The following ZMYND11 variants were observed in gnomAD, a reference collection of about 807,000 sequenced individuals.
ZMYND11 encodes the protein zinc finger MYND domain-containing protein 11.
A neutral mutation model predicts 84.9 loss-of-function variants in ZMYND11; 9 were observed. The observed-to-expected ratio is 0.11, with a 90% CI of 0.06 to 0.18. The LOEUF (loss-of-function observed/expected upper bound fraction) is 0.18. Among genes scored for constraint, ZMYND11 ranks in the 10% least tolerant of loss-of-function variants. The probability of loss-of-function intolerance (pLI) is 1.00; values close to 1 mark genes in which losing one functional copy is unlikely to be tolerated. For missense variants in ZMYND11, 409 were observed against 761.0 expected, an observed-to-expected ratio of 0.54 and a Z score of 5.44; for synonymous variants, 250 against 244.1, an observed-to-expected ratio of 1.02 and a Z score of -0.23.
intron 1 of ZMYND11, among the ~76,000 whole-genome samples, chr10:157,504 A>T (rs112779881): frequency 1.3e-5 from 2 of 152,276 alleles, no homozygotes; most frequent in Non-Finnish European, 2.9e-5. Context: ...CTGGCATAAT[A>T]GCTATTTTTA....
rs1237071861 is a variant in ZMYND11, at chr10:252,485, G to A, written c.*15G>A. 8.7e-6 allele frequency: 14 copies of A among 1,605,880 alleles called. No individual in the cohort carries two copies. Among genetic ancestry groups the A allele is most frequent in the Middle Eastern group, 1.7e-4 (1 of 5,978 alleles). ...GGAAAAGATGAAGCTGGCCCTTCCCGGAGTCACCCCGATGATTACTCTTTT... is the reference window on the plus strand; with the variant it reads ...GGAAAAGATGAAGCTGGCCCTTCCCAGAGTCACCCCGATGATTACTCTTTT... On this transcript the variant is annotated 3_prime_UTR_variant, in exon 15 of 15. Coordinates refer to ENST00000381604, the MANE Select transcript of ZMYND11 (RefSeq NM_001370100.5). This position sits in a 1 kb window ranked among gnomAD's most constrained non-coding sequence, Gnocchi z 4.6.
chr10:139,402 C>T (rs1836925793), intron 1 of ZMYND11, among the ~76,000 whole-genome samples: 2 of 152,144 alleles, frequency 1.3e-5, no homozygotes, highest in Middle Eastern at 3.2e-3. Flanking sequence ...GAGTTTATTT[C>T]TACCAATATC....
At chr10:193,517 G>T (rs1940980445) in intron 2 of ZMYND11, among the ~76,000 whole-genome samples, 1 of 152,186 alleles carries the variant, frequency 6.6e-6, no homozygotes, top group Admixed American at 6.5e-5. Flanking sequence ...TGAGTGCTAG[G>T]TGAATGTAGG....
chr10:225,373 C>T (rs973773898), intron 4 of ZMYND11, among the ~76,000 whole-genome samples: 1 of 130,718 alleles, frequency 7.7e-6, no homozygotes, highest in Non-Finnish European at 1.7e-5. Context: ...TGTTTTTAGG[C>T]AGGATCTTGT....
intron 4 of ZMYND11, among the ~76,000 whole-genome samples, chr10:227,715 G>A (rs1041309354): frequency 6.6e-6 from 1 of 152,130 alleles, no homozygotes; most frequent in South Asian, 2.1e-4. Context: ...AATGCTGAAT[G>A]AAAATACTTT....
intron 1 of ZMYND11, among the ~76,000 whole-genome samples, chr10:147,085 T>A (rs1474914000): frequency 6.6e-6 from 1 of 152,250 alleles, no homozygotes; most frequent in Non-Finnish European, 1.5e-5. Flanking sequence ...ACTACCAATT[T>A]GTGTACATTG....
chr10:181,901 AT>A (rs113715025), intron 2 of ZMYND11, among the ~76,000 whole-genome samples: 2 of 152,218 alleles, frequency 1.3e-5, no homozygotes, highest in South Asian at 2.1e-4. Context: ...GATGTAAAAC[AT>A]TTTAAAAAAA....
upstream of ZMYND11, among the ~76,000 whole-genome samples, chr10:131,259 T>A (rs1280660764): frequency 6.6e-6 from 1 of 152,188 alleles, no homozygotes; most frequent in African/African-American, 2.4e-5. Context: ...TACTTTTCCT[T>A]AAATGTTTTG....
chr10:236,626 A>G (rs1186773071), intron 4 of ZMYND11, among the ~76,000 whole-genome samples: 1 of 152,220 alleles, frequency 6.6e-6, no homozygotes. Context: ...TATATCAGGT[A>G]CAACATAATA....
At chr10:134,039 G>C (rs1835410944), upstream of ZMYND11, among the ~76,000 whole-genome samples, 2 of 152,032 alleles carry the variant, frequency 1.3e-5, no homozygotes, top group East Asian at 3.9e-4. Context: ...TCTTCCTAAT[G>C]ACTTTTCAGG....
intron 2 of ZMYND11, among the ~76,000 whole-genome samples, chr10:198,824 T>A (rs1356859159): frequency 6.6e-6 from 1 of 152,234 alleles, no homozygotes; most frequent in East Asian, 1.9e-4. Context: ...AAATATAGAT[T>A]AGAGAGATGC....
At chr10:202,477 A>C (rs1021723099) in intron 2 of ZMYND11, among the ~76,000 whole-genome samples, 1 of 152,160 alleles carries the variant, frequency 6.6e-6, no homozygotes, top group Non-Finnish European at 1.5e-5. Context: ...TGACACTTCT[A>C]ATATATACTA....
intron 2 of ZMYND11, among the ~76,000 whole-genome samples, chr10:203,326 C>G (rs1005444334): frequency 6.6e-6 from 1 of 151,372 alleles, no homozygotes; most frequent in Non-Finnish European, 1.5e-5. Flanking sequence ...CCAGGAAATA[C>G]TATATAAAAT....
In ZMYND11 at chr10:144,110, A is replaced by C. The variant is rs553573149; in HGVS notation, c.-20+8551A>C. Among the ~76,000 whole-genome samples, 277 of 152,298 alleles carry C rather than the reference A, an allele frequency of 1.8e-3. 3 individuals are homozygous for C. The highest frequency in any genetic ancestry group is 6.5e-3 in the African/African-American group (271 of 41,560). ...TTTTAGTCTTAGTTATTTTCAAATG[A>C]ATTAAAAGCTGAACAGCCAGCAGTA... On this transcript the variant is annotated intron_variant, in intron 1 of 14. Transcript: ENST00000381604.
intron 2 of ZMYND11, among the ~76,000 whole-genome samples, chr10:180,840 C>G (rs1380510820): frequency 6.6e-6 from 1 of 152,104 alleles, no homozygotes; most frequent in South Asian, 2.1e-4. Context: ...TACTTTATAG[C>G]CCACTAACAG....
chr10:160,689 A>C (rs1369532490), intron 1 of ZMYND11, among the ~76,000 whole-genome samples: 1 of 152,208 alleles, frequency 6.6e-6, no homozygotes, highest in Non-Finnish European at 1.5e-5. Context: ...TGTTCACAAC[A>C]TCTTCATCAG....
intron 2 of ZMYND11, among the ~76,000 whole-genome samples, chr10:198,572 G>T (rs745761675): frequency 3.1e-4 from 47 of 151,890 alleles, no homozygotes; most frequent in Non-Finnish European, 5.3e-4. Context: ...TATGAAAAGG[G>T]TTCATATTTT....
chr10:241,779 C>T (rs749479875), intron 9 of ZMYND11, among the ~76,000 whole-genome samples: 14 of 152,088 alleles, frequency 9.2e-5, no homozygotes, highest in Admixed American at 2.6e-4. Flanking sequence ...TGTTTGCCAC[C>T]GTCATACATG....
intron 2 of ZMYND11, among the ~76,000 whole-genome samples, chr10:183,914 T>C (rs1313918008): frequency 1.3e-5 from 2 of 152,228 alleles, no homozygotes; most frequent in African/African-American, 4.8e-5. Context: ...TCCCAGGTGC[T>C]CTGGTTTCTT....
Sources: allele counts gnomAD v4.1 joint callset (sites outside exome capture counted in the v4.1 genomes callset), GRCh38; gene constraint gnomAD v4.1.1; non-coding constraint Gnocchi (gnomAD v3.1); transcripts MANE v1.5; gene names NCBI Gene and HGNC (gene_info 2026-07-23, HGNC 2026-07-21).